Variants in GPC6 observed in about 807,000 individuals in gnomAD.
The protein encoded by GPC6 is glypican 6.
GPC6 carries 14 observed loss-of-function variants against 55.2 expected under a neutral mutation model. The observed-to-expected ratio is 0.25, with a 90% confidence interval of 0.17 to 0.40. GPC6 has a LOEUF of 0.40. Among genes scored for constraint, GPC6 ranks in the 10% least tolerant of loss-of-function variants. The pLI is 1.00. For missense variants in GPC6, 641 were observed against 708.5 expected (o/e 0.90, Z 1.08); for synonymous variants, 278 against 259.6 (o/e 1.07, Z -0.68).
intron 4 of GPC6, among the ~76,000 whole-genome samples, chr13:94,057,627 G>A (rs937328842): frequency 4.6e-5 from 7 of 152,174 alleles, no homozygotes; most frequent in Non-Finnish European, 1.0e-4. Context: ...GGACATTTAT[G>A]CACTGGAAAC....
At chr13:94,355,424 T>C (rs1445498112) in intron 6 of GPC6, among the ~76,000 whole-genome samples, 3 of 152,310 alleles carry the variant, frequency 2.0e-5, no homozygotes, top group Non-Finnish European at 4.4e-5. Flanking sequence ...TACCTTTTAT[T>C]TTCATGCATG....
At chr13:94,061,714 C>G (rs939859010) in intron 4 of GPC6, among the ~76,000 whole-genome samples, 4 of 151,682 alleles carry the variant, frequency 2.6e-5, no homozygotes, top group Non-Finnish European at 5.9e-5. Flanking sequence ...ATTATCCCTC[C>G]TCTCTAACCT....
chr13:93,900,690 A>G (rs1253316799), intron 3 of GPC6, among the ~76,000 whole-genome samples: 1 of 152,186 alleles, frequency 6.6e-6, no homozygotes, highest in African/African-American at 2.4e-5. Flanking sequence ...TTTTGTTAAC[A>G]GAAGGTTTCT....
intron 4 of GPC6, among the ~76,000 whole-genome samples, chr13:94,138,078 C>A (rs1887248311): frequency 6.6e-6 from 1 of 152,134 alleles, no homozygotes. Context: ...ACAGGTTGAG[C>A]ATCCCAAATA....
At chr13:93,653,470 C>G (rs1880511374) in intron 2 of GPC6, among the ~76,000 whole-genome samples, 1 of 152,012 alleles carries the variant, frequency 6.6e-6, no homozygotes, top group African/African-American at 2.4e-5. Flanking sequence ...GCCATTTTCA[C>G]AAGCATGCTT....
intron 3 of GPC6, among the ~76,000 whole-genome samples, chr13:93,892,977 AAAAGCATTT>A (rs1875776369): frequency 7.1e-6 from 1 of 140,684 alleles, no homozygotes; most frequent in South Asian, 2.3e-4. Context: ...TGTGCTGTTA[AAAAGCATTT>A]AATGCATATT....
intron 4 of GPC6, among the ~76,000 whole-genome samples, chr13:94,167,336 A>G (rs1182966762): frequency 6.6e-6 from 1 of 152,200 alleles, no homozygotes; most frequent in Non-Finnish European, 1.5e-5. Context: ...TCCCAAGTTA[A>G]GGTCCCTCTG....
At chr13:93,235,395 T>C (rs1876200199) in intron 1 of GPC6, among the ~76,000 whole-genome samples, 1 of 152,018 alleles carries the variant, frequency 6.6e-6, no homozygotes, top group South Asian at 2.1e-4. Flanking sequence ...AGAAAGTAGG[T>C]CATCATCTCA....
intron 2 of GPC6, among the ~76,000 whole-genome samples, chr13:93,702,683 C>T (rs541625267): frequency 9.9e-5 from 15 of 151,976 alleles, no homozygotes; most frequent in Non-Finnish European, 1.3e-4. Flanking sequence ...AGATAACTTG[C>T]GGCAGCTCCT....
chr13:94,377,638 C>T (rs1320261056), intron 6 of GPC6, among the ~76,000 whole-genome samples: 18 of 151,490 alleles, frequency 1.2e-4, no homozygotes, highest in African/African-American at 2.4e-4. Context: ...GTCAGTGTGG[C>T]GATTCCTCAG....
intron 6 of GPC6, among the ~76,000 whole-genome samples, chr13:94,321,072 G>A (rs182180838): frequency 6.6e-5 from 10 of 152,072 alleles, no homozygotes; most frequent in East Asian, 3.9e-4. Flanking sequence ...CCTCCATCTC[G>A]CCCCCATCAA....
intron 4 of GPC6, among the ~76,000 whole-genome samples, chr13:94,235,001 C>T (rs900723252): frequency 2.0e-5 from 3 of 152,036 alleles, no homozygotes; most frequent in South Asian, 4.1e-4. Flanking sequence ...TTTAGTCATG[C>T]AAGATGGAAA....
At chr13:93,590,389 G>T (rs894923218) in intron 2 of GPC6, among the ~76,000 whole-genome samples, 12 of 152,014 alleles carry the variant, frequency 7.9e-5, no homozygotes, top group Admixed American at 2.0e-4. Context: ...TCTTTTGCAT[G>T]TAAAAAGAGT....
chr13:94,034,579 T>C (rs1281295136), intron 4 of GPC6, among the ~76,000 whole-genome samples: 1 of 152,038 alleles, frequency 6.6e-6, no homozygotes, highest in South Asian at 2.1e-4. Context: ...AGACCTAAAA[T>C]TGCTGGATAC....
chr13:93,792,466 A>G (rs1370821865), intron 2 of GPC6, among the ~76,000 whole-genome samples: 3 of 152,144 alleles, frequency 2.0e-5, no homozygotes, highest in African/African-American at 7.2e-5. Context: ...GTGTGCCAAC[A>G]TGTCCAGCTC....
chr13:94,258,490 A>G (rs1891565515), intron 4 of GPC6, among the ~76,000 whole-genome samples: 1 of 152,230 alleles, frequency 6.6e-6, no homozygotes, highest in African/African-American at 2.4e-5. Context: ...ACATACACCA[A>G]TAATTGCAAA....
intron 2 of GPC6, among the ~76,000 whole-genome samples, chr13:93,674,712 T>C (rs1289847366): frequency 6.6e-6 from 1 of 152,208 alleles, no homozygotes; most frequent in Non-Finnish European, 1.5e-5. Context: ...GTTGTGCTGA[T>C]GAAACCATTC....
At chr13:94,284,321 C>T (rs1213752243) in intron 4 of GPC6, among the ~76,000 whole-genome samples, 2 of 152,154 alleles carry the variant, frequency 1.3e-5, no homozygotes, top group Non-Finnish European at 2.9e-5. Flanking sequence ...TAGCTATGAA[C>T]CTGACCTTTT....
chr13:94,059,491 T>C (rs1220393066), intron 4 of GPC6, among the ~76,000 whole-genome samples: 1 of 152,126 alleles, frequency 6.6e-6, no homozygotes, highest in African/African-American at 2.4e-5. Context: ...GGGAGCAGGA[T>C]AAAGAGGTTC....
Sources: gnomAD v4.1 joint callset for allele counts (sites outside exome capture counted in the v4.1 genomes callset) on GRCh38, gnomAD v4.1.1 for gene constraint, MANE v1.5 for transcripts, NCBI Gene and HGNC (gene_info 2026-07-23, HGNC 2026-07-21) for gene names.